Variants in C10orf67 observed in about 807,000 individuals in gnomAD.
C10orf67 encodes the protein uncharacterized protein C10orf67, mitochondrial.
A neutral mutation model predicts 35.6 loss-of-function variants in C10orf67; 60 were observed. The ratio of observed to expected loss-of-function variants is 1.68; its 90% CI spans 1.37 to 2.09. The LOEUF is 2.09. Among genes scored for constraint, C10orf67 ranks in the 30% most tolerant of loss-of-function variants. The probability of loss-of-function intolerance (pLI) is 0.00; values close to 1 mark genes in which losing one functional copy is unlikely to be tolerated. For missense variants in C10orf67, 474 were observed against 330.2 expected (o/e 1.44, Z -3.38); for synonymous variants, 167 against 115.8 (o/e 1.44, Z -2.84).
chr10:23,315,186 AT>A, intron 4 of C10orf67, among the ~76,000 whole-genome samples: 1 of 152,204 alleles, frequency 6.6e-6, no homozygotes, highest in East Asian at 1.9e-4. Context: ...AATATAAACA[AT>A]TTTTTCTTAA....
At position 23,266,359 on chromosome 10, in the gene C10orf67, G is replaced by A. The variant is rs1387056922; in HGVS notation, c.1103C>T (p.Thr368Ile). ...GGTCGCAGAATGTGGCCTCAAAGCT[G>A]TGGTGCTGGGTGGAGACTTGGGCCA... is the stretch of plus-strand genomic sequence containing the variant. ...SPWPKSPPSTTALRPHSATMS... is the reference protein window; with the variant it reads ...SPWPKSPPSTIALRPHSATMS... Residue 368 changes from threonine to isoleucine, a missense_variant, in exon 10 of 16, where the codon ACA becomes ATA. Thr to Ile is a moderately conservative substitution (Grantham distance 89). Transcript: ENST00000636213. 7 of 398,512 alleles carry A rather than the reference G, an allele frequency of 1.8e-5. No homozygotes were observed. The highest frequency in any genetic ancestry group is 3.1e-5 in the Non-Finnish European group (7 of 226,076). The allele number at this position is 398,512 out of a possible 1,614,324, so 24.7% of individuals were successfully genotyped here.
intron 4 of C10orf67, 50 bp from the exon 5 acceptor site, chr10:23,303,509 A>G (rs1649905289): frequency 6.8e-6 from 3 of 443,124 alleles, no homozygotes; most frequent in Non-Finnish European, 8.2e-6. Flanking sequence ...AGCATTAAAA[A>G]TTAGGCACTT....
chr10:23,256,138 A>T (rs914030082), intron 10 of C10orf67, among the ~76,000 whole-genome samples: 1 of 152,116 alleles, frequency 6.6e-6, no homozygotes. Context: ...AGTAACTGGA[A>T]CTACAGCTGT....
At chr10:23,317,161 T>C (rs1844752168) in intron 4 of C10orf67, 1 of 152,330 alleles carries the variant, frequency 6.6e-6, no homozygotes, top group African/African-American at 2.4e-5. Flanking sequence ...GCACCCAAAC[T>C]CTGGAGGGGG....
intron 4 of C10orf67, chr10:23,317,630 G>A (rs1376834549): frequency 6.6e-6 from 1 of 152,134 alleles, no homozygotes; most frequent in Non-Finnish European, 1.5e-5. Context: ...TTTATTCTCA[G>A]TTGCATAACT....
intron 1 of C10orf67, 116 bp from the exon 2 acceptor site, chr10:23,333,298 G>A (rs1365280190): frequency 6.5e-6 from 6 of 924,978 alleles, no homozygotes; most frequent in Non-Finnish European, 9.5e-6. Context: ...TAAGAGGTTG[G>A]TGAGGTGAGG....
intron 4 of C10orf67, among the ~76,000 whole-genome samples, chr10:23,314,195 A>T (rs1844604687): frequency 1.3e-5 from 2 of 151,794 alleles, no homozygotes; most frequent in South Asian, 4.2e-4. Context: ...TTCAAAAACA[A>T]CAACAACAAC....
intron 8 of C10orf67, among the ~76,000 whole-genome samples, chr10:23,277,536 G>A (rs1843226274): frequency 1.4e-5 from 2 of 144,146 alleles, no homozygotes. Flanking sequence ...CTGGGTGACA[G>A]AGTATGACCA....
At chr10:23,227,791 A>G (rs546164484) in intron 13 of C10orf67, among the ~76,000 whole-genome samples, 6 of 152,330 alleles carry the variant, frequency 3.9e-5, no homozygotes, top group Admixed American at 1.3e-4. Flanking sequence ...TTATACACCA[A>G]TAACAGACAA....
At chr10:23,323,159 AC>A (rs1459646585) in intron 2 of C10orf67, among the ~76,000 whole-genome samples, 1 of 152,216 alleles carries the variant, frequency 6.6e-6, no homozygotes, top group African/African-American at 2.4e-5. Flanking sequence ...GCCTTGTCAT[AC>A]CTCAAAAGGT....
At chr10:23,339,785 A>G (rs541221176) in intron 1 of C10orf67, among the ~76,000 whole-genome samples, 1 of 152,290 alleles carries the variant, frequency 6.6e-6, no homozygotes, top group African/African-American at 2.4e-5. Flanking sequence ...CCTTCTTACT[A>G]TTTAACAGAG....
intron 15 of C10orf67, among the ~76,000 whole-genome samples, chr10:23,221,421 T>C (rs1160218824): frequency 1.3e-5 from 2 of 152,170 alleles, no homozygotes; most frequent in African/African-American, 4.8e-5. Context: ...ATCTAATACC[T>C]CTTTAATAGG....
intron 7 of C10orf67, among the ~76,000 whole-genome samples, chr10:23,282,950 T>C (rs1420734056): frequency 1.3e-5 from 2 of 150,824 alleles, no homozygotes; most frequent in African/African-American, 2.4e-5. Context: ...ATAGGGTTAA[T>C]GGTACAAAAA....
chr10:23,342,385 G>C (rs748494610), intron 1 of C10orf67, among the ~76,000 whole-genome samples: 5 of 151,946 alleles, frequency 3.3e-5, no homozygotes, highest in Non-Finnish European at 7.4e-5. Flanking sequence ...CTCCACAAAG[G>C]CCGGGCTTTC....
At chr10:23,216,902 G>T (rs1841446194) in intron 15 of C10orf67, among the ~76,000 whole-genome samples, 1 of 152,096 alleles carries the variant, frequency 6.6e-6, no homozygotes, top group African/African-American at 2.4e-5. Flanking sequence ...TATCAACTCA[G>T]TCTTCATTGT....
chr10:23,206,112 C>G (rs1029706463), intron 15 of C10orf67, among the ~76,000 whole-genome samples: 2 of 152,202 alleles, frequency 1.3e-5, no homozygotes, highest in Non-Finnish European at 2.9e-5. Context: ...CAGTTCTAAA[C>G]AGGTCACAGA....
At chr10:23,305,289 T>C (rs572035832) in intron 4 of C10orf67, among the ~76,000 whole-genome samples, 3 of 152,288 alleles carry the variant, frequency 2.0e-5, no homozygotes, top group Non-Finnish European at 4.4e-5. Flanking sequence ...AACACAGATA[T>C]GCAGTTGAAC....
chr10:23,237,016 T>C (rs1470018934), intron 13 of C10orf67, among the ~76,000 whole-genome samples: 3 of 152,142 alleles, frequency 2.0e-5, no homozygotes, highest in African/African-American at 4.8e-5. Flanking sequence ...ATCCGACAGG[T>C]AGTTTTTTAA....
At chr10:23,269,383 G>T (rs757800354) in intron 8 of C10orf67, among the ~76,000 whole-genome samples, 1 of 152,104 alleles carries the variant, frequency 6.6e-6, no homozygotes. Flanking sequence ...TCACTAGAGC[G>T]CCTGCTATAA....
Sources: allele counts gnomAD v4.1 joint callset (sites outside exome capture counted in the v4.1 genomes callset), GRCh38; gene constraint gnomAD v4.1.1; transcripts MANE v1.5; gene names NCBI Gene and HGNC (gene_info 2026-07-23, HGNC 2026-07-21).